Variants in TTC28 observed in about 807,000 individuals in gnomAD.
TTC28 encodes tetratricopeptide repeat protein 28.
A neutral mutation model predicts 198.0 loss-of-function variants in TTC28; 61 were observed. The observed-to-expected ratio is 0.31, with a 90% CI of 0.25 to 0.38. The LOEUF (loss-of-function observed/expected upper bound fraction) is 0.38. Ranked by LOEUF, TTC28 falls within the 10% of genes least tolerant of loss-of-function variation. TTC28 has a pLI of 1.00. For synonymous variants in TTC28, 1,171 were observed against 1,297.8 expected (o/e 0.90, Z 2.10); for missense variants, 2,678 against 3,164.0 (o/e 0.85, Z 3.69).
intron 2 of TTC28, among the ~76,000 whole-genome samples, chr22:28,468,669 G>A (rs2048057917): frequency 6.7e-6 from 1 of 148,870 alleles, no homozygotes; most frequent in South Asian, 2.1e-4. Context: ...GACTACAGGT[G>A]CCCGCCAACT....
At chr22:28,276,869 T>C (rs16986244) in intron 5 of TTC28, among the ~76,000 whole-genome samples, 3,290 of 152,288 alleles carry the variant, frequency 0.022, 34 homozygotes, top group Non-Finnish European at 0.027. Flanking sequence ...CTAATATTTC[T>C]AGAGAATTTA....
intron 12 of TTC28, among the ~76,000 whole-genome samples, chr22:28,041,579 A>T (rs1277243524): frequency 6.6e-6 from 1 of 152,244 alleles, no homozygotes; most frequent in Non-Finnish European, 1.5e-5. Flanking sequence ...TACAAAAATT[A>T]ACTCCAGATG....
chr22:28,113,043 T>A (rs1942529383), intron 6 of TTC28, among the ~76,000 whole-genome samples: 1 of 152,226 alleles, frequency 6.6e-6, no homozygotes, highest in African/African-American at 2.4e-5. Flanking sequence ...GAGGCTGGCC[T>A]AAGTGCCTCA....
intron 2 of TTC28, among the ~76,000 whole-genome samples, chr22:28,307,048 CT>C (rs1431196692): frequency 3.9e-5 from 6 of 152,102 alleles, no homozygotes; most frequent in Admixed American, 1.3e-4. Flanking sequence ...ATGAATTCTA[CT>C]TATTTTCTAT....
chr22:28,431,976 T>TTAAAATAAAATAAAATAAAA (rs552214920), intron 2 of TTC28, among the ~76,000 whole-genome samples: 70 of 149,758 alleles, frequency 4.7e-4, no homozygotes, highest in African/African-American at 1.3e-3. Context: ...AGACTCTGTC[T>TTAAAATAAAATAAAATAAAA]TAAAATAAAA....
intron 5 of TTC28, among the ~76,000 whole-genome samples, chr22:28,180,606 C>T (rs1044844506): frequency 1.4e-4 from 21 of 152,136 alleles, no homozygotes; most frequent in African/African-American, 5.1e-4. Context: ...ATCATTTGAT[C>T]CTAATCCCTT....
chr22:28,208,937 A>C (rs1469860138), intron 5 of TTC28, among the ~76,000 whole-genome samples: 1 of 152,194 alleles, frequency 6.6e-6, no homozygotes, highest in Non-Finnish European at 1.5e-5. Context: ...GCAACTGCTC[A>C]TTGGAATCAT....
intron 5 of TTC28, among the ~76,000 whole-genome samples, chr22:28,237,509 C>T (rs1929337805): frequency 6.6e-6 from 1 of 152,144 alleles, no homozygotes. Flanking sequence ...AAGAATCTTA[C>T]AACGGTATGT....
At chr22:28,086,761 C>T (rs990507046) in intron 12 of TTC28, among the ~76,000 whole-genome samples, 2 of 151,892 alleles carry the variant, frequency 1.3e-5, no homozygotes, top group Admixed American at 6.6e-5. Context: ...ATTGATAGAC[C>T]ACTAGCAAGA....
At chr22:28,608,163 T>C (rs2050763629) in intron 2 of TTC28, among the ~76,000 whole-genome samples, 1 of 152,228 alleles carries the variant, frequency 6.6e-6, no homozygotes, top group Non-Finnish European at 1.5e-5. Flanking sequence ...GTGGGGTTTT[T>C]AACTTGCACT....
rs571919168 is a variant in TTC28, at chr22:28,488,860, T to C, written c.381+140692A>G. ...AAATATGTACTTGGTATTTTTTAAA[T>C]CACTAAACCATGTAAGGAAACAAGC... On this transcript the variant is annotated intron_variant, in intron 2 of 22. Coordinates refer to ENST00000397906, the MANE Select transcript of TTC28 (RefSeq NM_001145418.2). Among the ~76,000 whole-genome samples, 4 of 152,276 alleles carry C rather than the reference T, an allele frequency of 2.6e-5. No homozygotes were observed. The East Asian group carries it at 7.7e-4, about 29-fold the overall frequency.
At chr22:28,526,283 TAAC>T (rs960527481) in intron 2 of TTC28, among the ~76,000 whole-genome samples, 26 of 152,352 alleles carry the variant, frequency 1.7e-4, no homozygotes, top group African/African-American at 5.8e-4. Flanking sequence ...ATAATTATTC[TAAC>T]AACATCTTTC....
chr22:28,522,215 C>T (rs758556429), intron 2 of TTC28, among the ~76,000 whole-genome samples: 6 of 152,094 alleles, frequency 3.9e-5, no homozygotes, highest in South Asian at 2.1e-4. Context: ...AGGCTGGGTG[C>T]GGTGGCTCAC....
At chr22:28,369,866 T>C (rs904444290) in intron 2 of TTC28, among the ~76,000 whole-genome samples, 1 of 152,178 alleles carries the variant, frequency 6.6e-6, no homozygotes, top group Admixed American at 6.5e-5. Flanking sequence ...ACAGTAGACA[T>C]GAGATGAAAT....
Position 28,163,258 on chromosome 22 carries a change from C to T in TTC28, c.1275G>A (p.Gln425=), listed in dbSNP as rs1372043383. ...SYHNYVLELA[Q]ELMEKAIEMR... ...TCTCAATAGCCTTCTCCATCAACTC[C>T]TGTGCCAGCTCCAGGACATAGTTAT... The change falls in exon 6 of 23, where the codon CAG becomes CAA. Residue 425 remains glutamine, a synonymous_variant. Coordinates refer to ENST00000397906, the MANE Select transcript of TTC28 (RefSeq NM_001145418.2). 1.9e-6 allele frequency: 3 copies of T among 1,551,878 alleles called. No individual in the cohort carries two copies. Among genetic ancestry groups the T allele is most frequent in the Admixed American group, 2.0e-5 (1 of 51,006 alleles).
chr22:28,064,486 A>G (rs1006929104), intron 12 of TTC28, among the ~76,000 whole-genome samples: 2 of 152,170 alleles, frequency 1.3e-5, no homozygotes, highest in Non-Finnish European at 2.9e-5. Context: ...CTGACCCCTG[A>G]ACCACTGGAC....
chr22:28,451,192 C>G (rs1030052532), intron 2 of TTC28, among the ~76,000 whole-genome samples: 2 of 152,190 alleles, frequency 1.3e-5, no homozygotes, highest in African/African-American at 4.8e-5. Flanking sequence ...CTCATCAGGA[C>G]TGCAAGACTT....
At chr22:28,403,637 C>G (rs1208076390) in intron 2 of TTC28, among the ~76,000 whole-genome samples, 1 of 152,176 alleles carries the variant, frequency 6.6e-6, no homozygotes, top group Admixed American at 6.5e-5. Context: ...TCGATGCCTT[C>G]AACTTCCAAC....
intron 9 of TTC28, among the ~76,000 whole-genome samples, chr22:28,100,558 T>C (rs1942111827): frequency 6.6e-6 from 1 of 152,240 alleles, no homozygotes; most frequent in Non-Finnish European, 1.5e-5. Context: ...TCTTCAACTC[T>C]TGTGAGCACC....
Sources: allele counts gnomAD v4.1 joint callset (sites outside exome capture counted in the v4.1 genomes callset), GRCh38; gene constraint gnomAD v4.1.1; transcripts MANE v1.5; gene names NCBI Gene and HGNC (gene_info 2026-07-23, HGNC 2026-07-21).